ARPP21: variants seen among roughly 807,000 people sequenced by gnomAD.
ARPP21 encodes the protein cAMP regulated phosphoprotein 21, also known as cAMP-regulated phosphoprotein 21.
ARPP21 carries 69 observed loss-of-function variants against 113.2 expected under a neutral mutation model. The observed-to-expected ratio is 0.61, with a 90% CI of 0.50 to 0.74. ARPP21 has a LOEUF of 0.74. ARPP21 is among the 30% of genes least tolerant of loss of function. The pLI, the probability that ARPP21 is intolerant of heterozygous loss-of-function variation, is 0.00. For synonymous variants in ARPP21, 368 were observed against 375.5 expected, an observed-to-expected ratio of 0.98 and a Z score of 0.23; for missense variants, 1,070 against 1,037.4, an observed-to-expected ratio of 1.03 and a Z score of -0.43.
At chr3:35,672,724 C>A (rs938114206) in intron 1 of ARPP21, among the ~76,000 whole-genome samples, 2 of 151,952 alleles carry the variant, frequency 1.3e-5, no homozygotes, top group Admixed American at 6.6e-5. Context: ...AAATTTTGAG[C>A]TTTGTTAAAG....
chr3:35,658,513 T>C (rs1238671846), intron 1 of ARPP21, among the ~76,000 whole-genome samples: 1 of 152,088 alleles, frequency 6.6e-6, no homozygotes, highest in Non-Finnish European at 1.5e-5. Context: ...GTTATCCAGG[T>C]ACCAATTTTT....
At chr3:35,756,286 T>C (rs1419359857) in intron 19 of ARPP21, among the ~76,000 whole-genome samples, 1 of 152,106 alleles carries the variant, frequency 6.6e-6, no homozygotes, top group East Asian at 1.9e-4. Context: ...AAAGAAACAC[T>C]GTAACTTAGG....
intron 13 of ARPP21, among the ~76,000 whole-genome samples, chr3:35,719,401 G>A (rs2092822886): frequency 6.6e-6 from 1 of 152,172 alleles, no homozygotes; most frequent in African/African-American, 2.4e-5. Flanking sequence ...AGTGATCTGA[G>A]CTAGTGAGGT....
chr3:35,654,681 T>C (rs904742577), intron 1 of ARPP21, among the ~76,000 whole-genome samples: 22 of 152,038 alleles, frequency 1.4e-4, no homozygotes, highest in African/African-American at 4.8e-4. Context: ...GACGGTTGCT[T>C]TTAGCAGATG....
chr3:35,661,938 A>G (rs1265595732), intron 1 of ARPP21, among the ~76,000 whole-genome samples: 3 of 152,098 alleles, frequency 2.0e-5, no homozygotes, highest in East Asian at 1.9e-4. Context: ...TTGAATGCCT[A>G]TTATGTGTCA....
chr3:35,652,488 G>GT (rs1702813004), intron 1 of ARPP21, among the ~76,000 whole-genome samples: 1 of 151,940 alleles, frequency 6.6e-6, no homozygotes, highest in Non-Finnish European at 1.5e-5. Context: ...AAAATAGACT[G>GT]TTTTTTATGT....
intron 3 of ARPP21, 72 bp downstream of exon 3, chr3:35,681,952 T>C (rs1394635544): frequency 1.4e-6 from 2 of 1,460,764 alleles, no homozygotes; most frequent in African/African-American, 1.4e-5. Flanking sequence ...TTCAGAATAC[T>C]TTAGAGATTT....
chr3:35,668,948 T>C (rs1035177786), intron 1 of ARPP21, among the ~76,000 whole-genome samples: 1 of 152,166 alleles, frequency 6.6e-6, no homozygotes, highest in Admixed American at 6.5e-5. Flanking sequence ...AATACTTAAC[T>C]ATAATTATGA....
At position 35,721,812 on chromosome 3, in the gene ARPP21, T is replaced by C. The variant is rs138618895; in HGVS notation, c.1203T>C (p.Ser401=). The change falls in exon 14 of 21, where the codon AGT becomes AGC. Residue 401 remains serine (S), a synonymous_variant. Transcript: ENST00000684406. ...TRGDSTSSTR[S]TGKLSKAGSE... is the part of the protein sequence containing the mutation. ...GTGACAGCACTTCCAGTACTAGGAG[T>C]ACCGGGAAGCTGTCCAAAGCAGGTA... The C allele has an allele frequency of 5.0e-4, 811 of 1,609,728 alleles. 18 individuals are homozygous for C. The East Asian group carries it at 0.016, about 32-fold the overall frequency.
intron 1 of ARPP21, among the ~76,000 whole-genome samples, chr3:35,645,887 G>A (rs1325681165): frequency 6.6e-6 from 1 of 151,934 alleles, no homozygotes; most frequent in African/African-American, 2.4e-5. Flanking sequence ...GTTTATCCAT[G>A]TTGATATATT....
intron 1 of ARPP21, among the ~76,000 whole-genome samples, chr3:35,677,579 C>T (rs1459021690): frequency 1.3e-5 from 2 of 151,644 alleles, no homozygotes; most frequent in Non-Finnish European, 2.9e-5. Flanking sequence ...TCTCTAAATG[C>T]TACCCATAAA....
intron 1 of ARPP21, among the ~76,000 whole-genome samples, chr3:35,658,438 A>G (rs892031970): frequency 8.5e-5 from 13 of 152,092 alleles, no homozygotes; most frequent in African/African-American, 2.7e-4. Flanking sequence ...TCTGCTTGCT[A>G]TGAGTTAAGA....
chr3:35,645,104 A>G (rs139946667), intron 1 of ARPP21, among the ~76,000 whole-genome samples: 2,481 of 152,026 alleles, frequency 0.016, 39 homozygotes, highest in Middle Eastern at 0.037. Flanking sequence ...AGTAATATAC[A>G]TTATAATTGT....
chr3:35,717,257 C>T (rs368708781), intron 12 of ARPP21, 41 bp from the exon 13 acceptor site: 15 of 1,216,166 alleles, frequency 1.2e-5, no homozygotes, highest in Non-Finnish European at 1.7e-5. Context: ...ATTTAGTACC[C>T]TTAGGTTTTA....
chr3:35,787,465 C>G, intron 19 of ARPP21, among the ~76,000 whole-genome samples: 1 of 152,138 alleles, frequency 6.6e-6, no homozygotes, highest in Non-Finnish European at 1.5e-5. Context: ...TATAGTATCA[C>G]TGATTAGAAA....
chr3:35,772,831 T>C (rs891644726), intron 19 of ARPP21, among the ~76,000 whole-genome samples: 1 of 152,228 alleles, frequency 6.6e-6, no homozygotes, highest in East Asian at 1.9e-4. Context: ...GTTGATGCAT[T>C]GATGTCAGCC....
intron 1 of ARPP21, among the ~76,000 whole-genome samples, chr3:35,660,829 T>C (rs1707431507): frequency 6.6e-6 from 1 of 152,292 alleles, no homozygotes; most frequent in African/African-American, 2.4e-5. Flanking sequence ...TTTCCCTAAA[T>C]AATGAATTAG....
chr3:35,658,518 A>G (rs888319192), intron 1 of ARPP21, among the ~76,000 whole-genome samples: 1 of 152,080 alleles, frequency 6.6e-6, no homozygotes, highest in Admixed American at 6.5e-5. Flanking sequence ...CCAGGTACCA[A>G]TTTTTAGATT....
At chr3:35,760,622 G>GC (rs2095736236) in intron 19 of ARPP21, among the ~76,000 whole-genome samples, 1 of 152,028 alleles carries the variant, frequency 6.6e-6, no homozygotes. Flanking sequence ...GATCAGGACT[G>GC]TAGTATGTGC....
Sources: allele counts gnomAD v4.1 joint callset (sites outside exome capture counted in the v4.1 genomes callset), GRCh38; gene constraint gnomAD v4.1.1; transcripts MANE v1.5; gene names NCBI Gene and HGNC (gene_info 2026-07-23, HGNC 2026-07-21).